KLRG2: variants seen among roughly 807,000 people sequenced by gnomAD.
The protein encoded by KLRG2 is killer cell lectin like receptor G2.
KLRG2 carries 39 observed loss-of-function variants against 35.4 expected under a neutral mutation model. That is an observed-to-expected ratio of 1.10 (90% CI 0.85 to 1.44). The LOEUF (loss-of-function observed/expected upper bound fraction) is 1.44, where lower values mean the gene tolerates loss of function less well. Ranked by LOEUF, KLRG2 falls within the 40% of genes most tolerant of loss-of-function variation. KLRG2 has a pLI of 0.00. For missense variants in KLRG2, 632 were observed against 570.9 expected, an observed-to-expected ratio of 1.11 and a Z score of -1.09; for synonymous variants, 283 against 265.8, an observed-to-expected ratio of 1.06 and a Z score of -0.63.
chr7:139,439,501 C>T, the KLRG2 span, among the ~76,000 whole-genome samples: 1 of 152,166 alleles, frequency 6.6e-6, no homozygotes. Context: ...GTGGCAAGGG[C>T]CTTGTGTGCA....
At chr7:139,477,316 G>A (rs941124720) in intron 3 of KLRG2, among the ~76,000 whole-genome samples, 2 of 152,152 alleles carry the variant, frequency 1.3e-5, no homozygotes, top group East Asian at 1.9e-4. Flanking sequence ...AAACATGGAA[G>A]CAACCCAAGG....
the KLRG2 span, among the ~76,000 whole-genome samples, chr7:139,436,219 C>A: frequency 3.3e-5 from 5 of 151,988 alleles, no homozygotes; most frequent in Non-Finnish European, 5.9e-5. Flanking sequence ...GTACTCTTAA[C>A]CCGCACACTC....
At chr7:139,445,779 A>ATGTATATATATATATATG in the KLRG2 span, among the ~76,000 whole-genome samples, 1 of 120,292 alleles carries the variant, frequency 8.3e-6, no homozygotes, top group South Asian at 2.3e-4. Context: ...ATATATATAT[A>ATGTATATATATATATATG]TGTATATATA....
chr7:139,477,614 G>T (rs1585176849), intron 3 of KLRG2, among the ~76,000 whole-genome samples: 2 of 152,256 alleles, frequency 1.3e-5, no homozygotes, highest in East Asian at 3.9e-4. Context: ...GTTTAGAGGG[G>T]TTAGAGTTTC....
chr7:139,445,402 T>G, the KLRG2 span, among the ~76,000 whole-genome samples: 1 of 152,112 alleles, frequency 6.6e-6, no homozygotes, highest in Non-Finnish European at 1.5e-5. Flanking sequence ...CAAGGGTGTA[T>G]TCATGCATAG....
At chr7:139,463,850 C>T (rs368894068) in intron 3 of KLRG2, among the ~76,000 whole-genome samples, 48 of 152,264 alleles carry the variant, frequency 3.2e-4, no homozygotes, top group African/African-American at 1.0e-3. Context: ...AAGTCCATCC[C>T]CTTCTTAATC....
At chr7:139,468,745 G>A (rs531654754) in intron 3 of KLRG2, among the ~76,000 whole-genome samples, 2 of 152,336 alleles carry the variant, frequency 1.3e-5, no homozygotes, top group South Asian at 4.1e-4. Context: ...GATTCCGTAA[G>A]TGTGACGGGA....
chr7:139,453,929 G>A lies in KLRG2; in HGVS notation c.1109+182C>T, dbSNP rs560242709. ...GGGTGACAACCCTGCTTGGGTGAAC[G>A]TGCTGGGAACCCAAATAAAGAGTGA... is the stretch of plus-strand genomic sequence containing the variant. On this transcript the variant is annotated intron_variant, in intron 4 of 4. Coordinates refer to ENST00000340940, the MANE Select transcript of KLRG2 (RefSeq NM_198508.4). Among the ~76,000 whole-genome samples the A allele has an allele frequency of 1.1e-3, 165 of 152,276 alleles. 1 individual carries two copies. Among genetic ancestry groups the A allele is most frequent in the African/African-American group, 2.2e-3 (93 of 41,556 alleles).
the KLRG2 span, among the ~76,000 whole-genome samples, chr7:139,429,942 G>A: frequency 6.6e-6 from 1 of 152,256 alleles, no homozygotes; most frequent in African/African-American, 2.4e-5. Flanking sequence ...CTCCCAGACA[G>A]GGCGGCTGGC....
chr7:139,465,691 C>CAAAAAAAAA (rs573464243), intron 3 of KLRG2, among the ~76,000 whole-genome samples: 1 of 95,256 alleles, frequency 1.0e-5, no homozygotes. Context: ...GACTCTGTCT[C>CAAAAAAAAA]AAAAAAAAAA....
downstream of KLRG2, among the ~76,000 whole-genome samples, chr7:139,448,009 TCAGA>T (rs1796329269): frequency 2.0e-5 from 3 of 152,120 alleles, no homozygotes; most frequent in Admixed American, 1.3e-4. Context: ...TCTTTTCTTG[TCAGA>T]CAGACAGGTC....
chr7:139,435,153 T>C, the KLRG2 span, among the ~76,000 whole-genome samples: 3 of 152,282 alleles, frequency 2.0e-5, no homozygotes, highest in African/African-American at 7.2e-5. Context: ...TGGCTACCTT[T>C]CTTAAAAAAA....
chr7:139,481,027 A>G (rs1796951171), intron 1 of KLRG2, among the ~76,000 whole-genome samples: 1 of 152,190 alleles, frequency 6.6e-6, no homozygotes, highest in South Asian at 2.1e-4. Context: ...TACAGGCGTG[A>G]GCCACCGTGC....
At chr7:139,456,768 C>T (rs1482560220) in intron 3 of KLRG2, among the ~76,000 whole-genome samples, 3 of 152,202 alleles carry the variant, frequency 2.0e-5, no homozygotes, top group African/African-American at 7.2e-5. Context: ...ACTGCTGGTG[C>T]GTGCCACCAC....
intron 3 of KLRG2, among the ~76,000 whole-genome samples, chr7:139,457,155 G>A (rs999418297): frequency 1.1e-4 from 17 of 152,252 alleles, no homozygotes; most frequent in African/African-American, 4.1e-4. Flanking sequence ...GTGAGTGGAC[G>A]GAACAGAGAA....
At chr7:139,448,488 A>G (rs1377217171), downstream of KLRG2, among the ~76,000 whole-genome samples, 1 of 152,202 alleles carries the variant, frequency 6.6e-6, no homozygotes, top group East Asian at 1.9e-4. Context: ...ACACAATGGT[A>G]AGTATTTGTG....
At position 139,453,296 on chromosome 7, in the gene KLRG2, C is replaced by A; in HGVS notation, c.*291G>T. 1 of 482,328 alleles carries A rather than the reference C, an allele frequency of 2.1e-6. No individual in the cohort carries two copies. Among genetic ancestry groups the A allele is most frequent in the Non-Finnish European group, 3.6e-6 (1 of 278,092 alleles). The allele number at this position is 482,328 out of a possible 1,614,324, so 29.9% of individuals were successfully genotyped here. On this transcript the variant is annotated 3_prime_UTR_variant, in exon 5 of 5. Transcript: ENST00000340940. The stretch of plus-strand genomic sequence containing the variant: ...GGGGAAATTGTCATTTTAATGAAAC[C>A]AAGGCACAGAAATGCTAAACAACCA...
At chr7:139,440,504 C>A in the KLRG2 span, among the ~76,000 whole-genome samples, 2 of 150,578 alleles carry the variant, frequency 1.3e-5, no homozygotes, top group African/African-American at 4.9e-5. Context: ...GAGCCTCCCA[C>A]CTCAACCTCC....
chr7:139,438,677 A>ATTTTT, the KLRG2 span, among the ~76,000 whole-genome samples: 17 of 142,814 alleles, frequency 1.2e-4, 1 homozygote, highest in African/African-American at 2.9e-4. Flanking sequence ...CATTTTGGCA[A>ATTTTT]TTTTTTTTTT....
Sources: gnomAD v4.1 joint callset for allele counts (sites outside exome capture counted in the v4.1 genomes callset) on GRCh38, gnomAD v4.1.1 for gene constraint, MANE v1.5 for transcripts, NCBI Gene and HGNC (gene_info 2026-07-23, HGNC 2026-07-21) for gene names.